Variants in KIF2A observed in about 807,000 individuals in gnomAD.
KIF2A encodes kinesin family member 2A.
KIF2A carries 22 observed loss-of-function variants against 100.2 expected under a neutral mutation model. The observed-to-expected ratio is 0.22, with a 90% CI of 0.16 to 0.31. The LOEUF (loss-of-function observed/expected upper bound fraction) is 0.31, where lower values mean the gene tolerates loss of function less well. Ranked by LOEUF, KIF2A falls within the 10% of genes least tolerant of loss-of-function variation. The pLI is 1.00. For missense variants in KIF2A, 495 were observed against 898.7 expected, an observed-to-expected ratio of 0.55 and a Z score of 5.74; for synonymous variants, 268 against 285.9, an observed-to-expected ratio of 0.94 and a Z score of 0.63.
In KIF2A at chr5:62,331,681, A is replaced by T. The variant is rs6868402; in HGVS notation, c.65-15449A>T. Among the ~76,000 whole-genome samples, 736 of 151,864 alleles carry T rather than the reference A, an allele frequency of 4.8e-3. 4 individuals carry two copies. Among genetic ancestry groups the T allele is most frequent in the African/African-American group, 0.017 (696 of 41,478 alleles). On this transcript the variant is annotated intron_variant, in intron 1 of 20. Coordinates refer to ENST00000407818, the MANE Select transcript of KIF2A (RefSeq NM_001098511.3). ...CGTCTAAAGGGGAACTGATAAAAAT[A>T]ATGTTCACTTTGGGGGAAGACTTGC...
chr5:62,331,326 G>A (rs1265783448), intron 1 of KIF2A, among the ~76,000 whole-genome samples: 6 of 152,214 alleles, frequency 3.9e-5, no homozygotes, highest in South Asian at 2.1e-4. Context: ...CAGGAGAATC[G>A]CTTGAACTGG....
At chr5:62,355,522 A>G (rs1169699138) in intron 7 of KIF2A, among the ~76,000 whole-genome samples, 1 of 152,238 alleles carries the variant, frequency 6.6e-6, no homozygotes, top group Non-Finnish European at 1.5e-5. Context: ...CAACACTTAA[A>G]GGAGTGATAG....
intron 1 of KIF2A, among the ~76,000 whole-genome samples, chr5:62,332,383 T>G (rs264528): frequency 0.52 from 78,800 of 151,954 alleles, 21,248 homozygotes; most frequent in South Asian, 0.65. Context: ...ATCATGTATC[T>G]TGATATTTAC....
chr5:62,310,070 C>CTTT (rs5868308), intron 1 of KIF2A, among the ~76,000 whole-genome samples: 3,793 of 142,720 alleles, frequency 0.027, 223 homozygotes, highest in East Asian at 0.21. Flanking sequence ...ACTAATAATT[C>CTTT]TTTTTTTTTT....
chr5:62,383,352 C>T (rs1483140623), intron 20 of KIF2A, among the ~76,000 whole-genome samples: 1 of 148,318 alleles, frequency 6.7e-6, no homozygotes, highest in African/African-American at 2.5e-5. Context: ...ATGCCATTCT[C>T]CTGCCTCAGC....
At position 62,373,672 on chromosome 5, in the gene KIF2A, C is replaced by T. The variant is rs772457018; in HGVS notation, c.1761-15C>T. 8.1e-6 allele frequency: 13 copies of T among 1,606,110 alleles called. No individual in the cohort carries two copies. In the South Asian group the frequency reaches 1.4e-4, roughly 18 times the overall value. ...TGAGTGTTTTTAACTTTAGATACCT[C>T]TTATGTATTTATAGGGTCAAAGAAT... On this transcript the variant is annotated splice_polypyrimidine_tract_variant and intron_variant, in intron 17 of 20. Transcript: ENST00000407818.
intron 1 of KIF2A, among the ~76,000 whole-genome samples, chr5:62,320,855 A>G (rs1425766175): frequency 6.6e-6 from 1 of 152,178 alleles, no homozygotes; most frequent in African/African-American, 2.4e-5. Context: ...AAGTTGTACA[A>G]TTATTACCAC....
At chr5:62,382,697 G>A (rs1028355763) in intron 20 of KIF2A, among the ~76,000 whole-genome samples, 6 of 146,074 alleles carry the variant, frequency 4.1e-5, no homozygotes, top group South Asian at 4.3e-4. Context: ...ACAATGGCAC[G>A]ATCTCAGCTC....
In KIF2A at chr5:62,390,983, C is replaced by A. The variant is rs760270737; in HGVS notation, c.*5414C>A. 1.2e-6 allele frequency: 2 copies of A among 1,610,780 alleles called. No homozygotes were observed. The highest frequency in any genetic ancestry group is 1.1e-5 in the South Asian group (1 of 91,030). On this transcript the variant is annotated 3_prime_UTR_variant, in exon 21 of 21. Transcript: ENST00000407818. ...CTATGCTGAAATCTTCTGGTATTAT[C>A]TATCAATATAAGATTCAGAATAAAT...
chr5:62,326,887 C>T (rs1405935922), intron 1 of KIF2A, among the ~76,000 whole-genome samples: 1 of 152,066 alleles, frequency 6.6e-6, no homozygotes, highest in African/African-American at 2.4e-5. Context: ...GTCCTACCTA[C>T]TGAGGAGGCT....
At position 62,370,403 on chromosome 5, in the gene KIF2A, C is replaced by T. The variant is rs1171781917; in HGVS notation, c.1647-2035C>T. On this transcript the variant is annotated intron_variant, in intron 16 of 20. Transcript: ENST00000407818. ...CTGACTCCGGGGTTCAAGCGATTCT[C>T]CTGCCTCAGCCTCCCGAGTAGCTGG... Among the ~76,000 whole-genome samples the T allele has an allele frequency of 3.9e-5, 6 of 152,120 alleles. No individual in the cohort carries two copies. The East Asian group carries it at 1.2e-3, about 29-fold the overall frequency.
At chr5:62,341,242 G>A (rs183572351) in intron 1 of KIF2A, among the ~76,000 whole-genome samples, 1 of 152,008 alleles carries the variant, frequency 6.6e-6, no homozygotes, top group Non-Finnish European at 1.5e-5. Context: ...TGTGTACACT[G>A]GTGGTTGAGG....
intron 1 of KIF2A, among the ~76,000 whole-genome samples, chr5:62,327,150 G>C (rs1017192043): frequency 2.0e-5 from 3 of 151,872 alleles, no homozygotes; most frequent in African/African-American, 4.8e-5. Context: ...TCCTTTGCTG[G>C]TATCTCATTT....
At chr5:62,338,278 T>C (rs1292528158) in intron 1 of KIF2A, among the ~76,000 whole-genome samples, 1 of 152,130 alleles carries the variant, frequency 6.6e-6, no homozygotes, top group Non-Finnish European at 1.5e-5. Context: ...GTCCCAAATA[T>C]GAAAGGTTTT....
At chr5:62,365,715 T>C (rs776385776) in intron 15 of KIF2A, among the ~76,000 whole-genome samples, 12 of 152,224 alleles carry the variant, frequency 7.9e-5, no homozygotes, top group African/African-American at 1.2e-4. Flanking sequence ...GATTCTGTTA[T>C]GTTCTTCTGA....
chr5:62,329,728 T>G (rs764356461), intron 1 of KIF2A, among the ~76,000 whole-genome samples: 1 of 152,210 alleles, frequency 6.6e-6, no homozygotes, highest in Non-Finnish European at 1.5e-5. Flanking sequence ...TAAAGCAGCA[T>G]TTGACAATCT....
At chr5:62,350,299 A>G (rs539000731) in intron 4 of KIF2A, among the ~76,000 whole-genome samples, 179 bp downstream of exon 4, 1 of 150,508 alleles carries the variant, frequency 6.6e-6, no homozygotes, top group South Asian at 2.1e-4. Flanking sequence ...TTTTTTTGAG[A>G]CAGGGTCTTG....
intron 1 of KIF2A, among the ~76,000 whole-genome samples, chr5:62,333,025 A>G (rs1047780944): frequency 6.6e-6 from 1 of 152,194 alleles, no homozygotes; most frequent in Non-Finnish European, 1.5e-5. Flanking sequence ...TCCTATACCT[A>G]CATTTTGTAT....
At chr5:62,375,509 G>A (rs986892359) in intron 18 of KIF2A, among the ~76,000 whole-genome samples, 1 of 152,216 alleles carries the variant, frequency 6.6e-6, no homozygotes, top group Non-Finnish European at 1.5e-5. Context: ...AGCCAGGATT[G>A]AAATTTAGAT....
Sources: gnomAD v4.1 joint callset for allele counts (sites outside exome capture counted in the v4.1 genomes callset) on GRCh38, gnomAD v4.1.1 for gene constraint, MANE v1.5 for transcripts, NCBI Gene and HGNC (gene_info 2026-07-23, HGNC 2026-07-21) for gene names.